The following PRDM16 variants were observed in gnomAD, a reference collection of about 807,000 sequenced individuals.
PRDM16 encodes histone-lysine N-methyltransferase PRDM16.
Under a neutral mutation model 110.6 loss-of-function variants are expected in PRDM16, and 23 were observed. The observed-to-expected ratio is 0.21, with a 90% confidence interval of 0.15 to 0.29. The LOEUF (loss-of-function observed/expected upper bound fraction) is 0.29. Ranked by LOEUF, PRDM16 falls within the 10% of genes least tolerant of loss-of-function variation. PRDM16 has a pLI of 1.00. For missense variants in PRDM16, 1,615 were observed against 1,794.3 expected (o/e 0.90, Z 1.81); for synonymous variants, 799 against 781.8 (o/e 1.02, Z -0.37).
At chr1:3,281,063 C>T (rs1427116752) in intron 3 of PRDM16, among the ~76,000 whole-genome samples, 2 of 152,256 alleles carry the variant, frequency 1.3e-5, no homozygotes, top group African/African-American at 4.8e-5. Context: ...AGTCCCTGCA[C>T]CTGTCCAGCC....
At position 3,359,142 on chromosome 1, in the gene PRDM16, C is replaced by G. The variant is rs758659688; in HGVS notation, c.439-26010C>G. 1.3e-5 allele frequency among the ~76,000 whole-genome samples: 2 copies of G among 152,170 alleles called. No individual in the cohort carries two copies. The highest frequency in any genetic ancestry group is 1.3e-4 in the Admixed American group (2 of 15,282). On this transcript the variant is annotated intron_variant, in intron 3 of 16. Transcript: ENST00000270722. The surrounding 1 kb of genome is among the most constrained non-coding windows in gnomAD (Gnocchi z 4.3). ...GCAGCCTCCACCTCCCGGGCTCAAG[C>G]GATCCTCCCTCCTCAGCCTCCCGAG...
intron 1 of PRDM16, among the ~76,000 whole-genome samples, chr1:3,184,906 A>G (rs1644250795): frequency 6.6e-6 from 1 of 151,498 alleles, no homozygotes. Context: ...GGGTGGTGCC[A>G]CAGGTGTGAC....
At chr1:3,083,303 C>A (rs1180682466) in intron 1 of PRDM16, among the ~76,000 whole-genome samples, 6 of 152,250 alleles carry the variant, frequency 3.9e-5, no homozygotes, top group South Asian at 4.1e-4. Context: ...GCACATCCCT[C>A]CCCATCATAG....
intron 12 of PRDM16, among the ~76,000 whole-genome samples, chr1:3,419,174 G>A (rs1469989598): frequency 6.6e-6 from 1 of 152,182 alleles, no homozygotes; most frequent in African/African-American, 2.4e-5. Context: ...ACTTCTGGTG[G>A]GCCAGGGAGT....
At position 3,245,588 on chromosome 1, in the gene PRDM16, A is replaced by C. The variant is rs1269000775; in HGVS notation, c.438+1451A>C. On this transcript the variant is annotated intron_variant, in intron 3 of 16. Coordinates refer to ENST00000270722, the MANE Select transcript of PRDM16 (RefSeq NM_022114.4). The surrounding 1 kb of genome is among the most constrained non-coding windows in gnomAD (Gnocchi z 4.7). Reference sequence around the variant, plus strand: ...TCCTGGGGTCCTTTTGTCCAAGGACAAGGTGTCGGCTCTCAGTCCCCGCCG... The same window carrying C: ...TCCTGGGGTCCTTTTGTCCAAGGACCAGGTGTCGGCTCTCAGTCCCCGCCG... 6.6e-6 allele frequency among the ~76,000 whole-genome samples: 1 copy of C among 152,142 alleles called. No individual in the cohort carries two copies. The highest frequency in any genetic ancestry group is 1.5e-5 in the Non-Finnish European group (1 of 68,024).
chr1:3,281,316 C>T (rs913670568), intron 3 of PRDM16, among the ~76,000 whole-genome samples: 13 of 152,194 alleles, frequency 8.5e-5, no homozygotes, highest in Admixed American at 5.9e-4. Flanking sequence ...CCAGAACCCT[C>T]CACCTGTGCT....
At chr1:3,252,003 A>G (rs1169818068) in intron 3 of PRDM16, among the ~76,000 whole-genome samples, 1 of 152,176 alleles carries the variant, frequency 6.6e-6, no homozygotes, top group Non-Finnish European at 1.5e-5. Context: ...AAACCTCGTT[A>G]CCACGATTCT....
intron 3 of PRDM16, among the ~76,000 whole-genome samples, chr1:3,269,819 AGG>A (rs1479200486): frequency 0.065 from 9,436 of 145,448 alleles, 2,733 homozygotes; most frequent in African/African-American, 0.12. Context: ...AGAGAATGAC[AGG>A]GAGGAGGACA....
chr1:3,102,095 G>A (rs963924147), intron 1 of PRDM16, among the ~76,000 whole-genome samples: 2 of 152,222 alleles, frequency 1.3e-5, no homozygotes, highest in African/African-American at 4.8e-5. Flanking sequence ...CCCGGCCACA[G>A]CTAAGTCTCA....
At chr1:3,141,358 G>A (rs1158831340) in intron 1 of PRDM16, among the ~76,000 whole-genome samples, 4 of 152,172 alleles carry the variant, frequency 2.6e-5, no homozygotes, top group Admixed American at 2.6e-4. Flanking sequence ...CCTGCAATTT[G>A]CAAACCTAAT....
chr1:3,145,569 C>T (rs1643632281), intron 1 of PRDM16, among the ~76,000 whole-genome samples: 1 of 152,168 alleles, frequency 6.6e-6, no homozygotes. Flanking sequence ...GGCTCTGGTC[C>T]CTCTCCACGT....
At chr1:3,161,524 G>A (rs1399316575) in intron 1 of PRDM16, among the ~76,000 whole-genome samples, 1 of 152,214 alleles carries the variant, frequency 6.6e-6, no homozygotes, top group Non-Finnish European at 1.5e-5. Context: ...GGAATGGGGA[G>A]AAAATGAATA....
chr1:3,274,432 G>A (rs1640536033), intron 3 of PRDM16, among the ~76,000 whole-genome samples: 1 of 152,154 alleles, frequency 6.6e-6, no homozygotes, highest in South Asian at 2.1e-4. Context: ...AACCCTGAAG[G>A]TTTATGCAGA....
intron 2 of PRDM16, among the ~76,000 whole-genome samples, chr1:3,194,117 C>T (rs549434596): frequency 4.6e-5 from 7 of 152,324 alleles, no homozygotes; most frequent in East Asian, 3.9e-4. Context: ...ACCAGACCGC[C>T]GGGCAAGGGA....
intron 1 of PRDM16, among the ~76,000 whole-genome samples, chr1:3,125,524 T>C (rs1445900342): frequency 6.6e-6 from 1 of 152,260 alleles, no homozygotes; most frequent in Non-Finnish European, 1.5e-5. Context: ...GGACACACGC[T>C]CTGAAGCACA....
chr1:3,277,994 AT>A (rs2100315529), intron 3 of PRDM16, among the ~76,000 whole-genome samples: 1 of 152,342 alleles, frequency 6.6e-6, no homozygotes, highest in Non-Finnish European at 1.5e-5. Context: ...CTAGCAGGCC[AT>A]GGGACCCTCT....
intron 2 of PRDM16, among the ~76,000 whole-genome samples, chr1:3,187,720 A>G (rs1291257827): frequency 6.6e-6 from 1 of 152,176 alleles, no homozygotes; most frequent in Non-Finnish European, 1.5e-5. Context: ...AGCTCCCAGC[A>G]GGCAGATGTG....
rs1469710137 is a variant in PRDM16 at position 3,253,657 on chromosome 1, T to C, written c.438+9520T>C. ...AAGTCTTTGCTATTGTGAACAGTGC[T>C]GCAATAAACATACGTGTGCATGTGT... On this transcript the variant is annotated intron_variant, in intron 3 of 16. Coordinates refer to ENST00000270722, the MANE Select transcript of PRDM16 (RefSeq NM_022114.4). Among the ~76,000 whole-genome samples, 5 of 152,274 alleles carry C rather than the reference T, an allele frequency of 3.3e-5. No homozygotes were observed. The South Asian group carries it at 8.3e-4, about 25-fold the overall frequency.
intron 10 of PRDM16, among the ~76,000 whole-genome samples, chr1:3,416,496 C>T (rs142563095): frequency 2.6e-4 from 39 of 152,310 alleles, no homozygotes; most frequent in African/African-American, 9.4e-4. Context: ...TCCTCACCTG[C>T]CCTTCTCCTC....
Sources: gnomAD v4.1 joint callset for allele counts (sites outside exome capture counted in the v4.1 genomes callset) on GRCh38, gnomAD v4.1.1 for gene constraint, Gnocchi (gnomAD v3.1) non-coding constraint, MANE v1.5 for transcripts, NCBI Gene and HGNC (gene_info 2026-07-23, HGNC 2026-07-21) for gene names.